LSAMP: variants seen among roughly 807,000 people sequenced by gnomAD.
The protein encoded by LSAMP is limbic system-associated membrane protein.
Under a neutral mutation model 38.6 loss-of-function variants are expected in LSAMP, and 7 were observed. That is an observed-to-expected ratio of 0.18 (90% CI 0.10 to 0.34). The LOEUF is 0.34. Ranked by LOEUF, LSAMP falls within the 10% of genes least tolerant of loss-of-function variation. The pLI is 1.00. For missense variants in LSAMP, 313 were observed against 420.0 expected (o/e 0.75, Z 2.23); for synonymous variants, 154 against 166.8 (o/e 0.92, Z 0.59).
At chr3:115,871,928 G>A (rs568018631) in intron 3 of LSAMP, among the ~76,000 whole-genome samples, 1 of 152,220 alleles carries the variant, frequency 6.6e-6, no homozygotes, top group South Asian at 2.1e-4. Context: ...GGCCTTGTGG[G>A]AAAGAAGAAA....
intron 1 of LSAMP, among the ~76,000 whole-genome samples, chr3:116,427,322 T>G (rs906516527): frequency 6.6e-6 from 1 of 151,254 alleles, no homozygotes; most frequent in Non-Finnish European, 1.5e-5. Flanking sequence ...GGGTTTCACC[T>G]TGTTAGCCAG....
At chr3:116,012,008 T>G (rs1054896432) in intron 3 of LSAMP, among the ~76,000 whole-genome samples, 1 of 152,156 alleles carries the variant, frequency 6.6e-6, no homozygotes, top group Non-Finnish European at 1.5e-5. Context: ...TAAACAACAT[T>G]GGAAAGTCCA....
chr3:116,277,686 T>C lies in LSAMP; in HGVS notation c.155+167191A>G, dbSNP rs1300217485. ...GCGCCCGGCCTGCTCTTCTTATTTT[T>C]ATACATCTGTTTAAAGAGTGTAACC... On this transcript the variant is annotated intron_variant, in intron 1 of 6. Coordinates refer to ENST00000490035, the MANE Select transcript of LSAMP (RefSeq NM_002338.5). Among the ~76,000 whole-genome samples, 5 of 152,158 alleles carry C rather than the reference T, an allele frequency of 3.3e-5. No individual in the cohort carries two copies. The East Asian group carries it at 7.7e-4, about 23-fold the overall frequency.
intron 3 of LSAMP, among the ~76,000 whole-genome samples, chr3:116,008,389 C>T (rs1940227384): frequency 6.6e-6 from 1 of 152,086 alleles, no homozygotes; most frequent in Non-Finnish European, 1.5e-5. Context: ...TGTAGAGAGA[C>T]ATACATTTTT....
At chr3:115,820,846 G>T (rs1446138572) in intron 6 of LSAMP, among the ~76,000 whole-genome samples, 2 of 152,128 alleles carry the variant, frequency 1.3e-5, no homozygotes, top group African/African-American at 4.8e-5. Context: ...TAGAACCACG[G>T]TGCCTGAACC....
chr3:115,825,243 C>G lies in LSAMP; in HGVS notation c.920-14829G>C, dbSNP rs112058864. ...TGCTCTGAGTCACCCTTGGACCTAC[C>G]TCTATTGCACTAACTACCGCAGTGC... On this transcript the variant is annotated intron_variant, in intron 6 of 6. Transcript: ENST00000490035. 9.9e-3 allele frequency among the ~76,000 whole-genome samples: 1,506 copies of G among 152,250 alleles called. 9 individuals carry two copies. Among genetic ancestry groups the G allele is most frequent in the Non-Finnish European group, 0.017 (1,181 of 68,018 alleles).
intron 3 of LSAMP, among the ~76,000 whole-genome samples, chr3:116,011,013 C>CTTTTTTTTTTTTTTTT (rs1169726977): frequency 2.9e-4 from 43 of 150,542 alleles, no homozygotes; most frequent in African/African-American, 9.4e-4. Flanking sequence ...ATAGTTTATG[C>CTTTTTTTTTTTTTTTT]TTTTTTTTGA....
intron 3 of LSAMP, among the ~76,000 whole-genome samples, chr3:115,999,424 C>G (rs1939923385): frequency 6.6e-6 from 1 of 152,186 alleles, no homozygotes; most frequent in Non-Finnish European, 1.5e-5. Context: ...AAAATAGCTA[C>G]TGTCCTTTCT....
intron 1 of LSAMP, among the ~76,000 whole-genome samples, chr3:116,247,852 T>C (rs2046623839): frequency 6.6e-6 from 1 of 152,168 alleles, no homozygotes; most frequent in Non-Finnish European, 1.5e-5. Context: ...CCATATTGAC[T>C]CATCTGAGAC....
chr3:116,408,866 C>T (rs373742725), intron 1 of LSAMP, among the ~76,000 whole-genome samples: 104 of 152,220 alleles, frequency 6.8e-4, no homozygotes, highest in African/African-American at 2.3e-3. Context: ...TTTAGTTGTA[C>T]ATATGGTCTT....
At chr3:115,823,101 G>C (rs189000692) in intron 6 of LSAMP, among the ~76,000 whole-genome samples, 4 of 152,174 alleles carry the variant, frequency 2.6e-5, no homozygotes, top group Non-Finnish European at 5.9e-5. Flanking sequence ...GTGAAAAAAT[G>C]CTTAAATTGT....
chr3:116,308,236 G>A (rs1001506690), intron 1 of LSAMP, among the ~76,000 whole-genome samples: 14 of 151,928 alleles, frequency 9.2e-5, no homozygotes, highest in African/African-American at 3.4e-4. Context: ...GCTCCCTCTA[G>A]ACAAAATTAA....
intron 2 of LSAMP, among the ~76,000 whole-genome samples, chr3:116,043,902 C>T (rs897718564): frequency 2.6e-5 from 4 of 152,160 alleles, no homozygotes; most frequent in Non-Finnish European, 5.9e-5. Context: ...GCCAAGATCG[C>T]GCCGCTGCAC....
chr3:116,304,336 G>A (rs1318964655), intron 1 of LSAMP, among the ~76,000 whole-genome samples: 2 of 152,164 alleles, frequency 1.3e-5, no homozygotes, highest in Non-Finnish European at 2.9e-5. Context: ...TGAAGGGGAA[G>A]TTCATGATCA....
intron 1 of LSAMP, among the ~76,000 whole-genome samples, chr3:116,339,249 G>C (rs2047961258): frequency 6.6e-6 from 1 of 151,656 alleles, no homozygotes; most frequent in African/African-American, 2.4e-5. Flanking sequence ...GGAACTTGGT[G>C]AAACTACATA....
At chr3:116,408,699 G>C (rs1256417434) in intron 1 of LSAMP, among the ~76,000 whole-genome samples, 1 of 152,054 alleles carries the variant, frequency 6.6e-6, no homozygotes, top group Non-Finnish European at 1.5e-5. Context: ...CTCAGAGCTA[G>C]TTAATGGCTG....
intron 1 of LSAMP, among the ~76,000 whole-genome samples, chr3:116,087,598 G>A (rs1342653464): frequency 6.6e-6 from 1 of 152,312 alleles, no homozygotes; most frequent in East Asian, 1.9e-4. Context: ...CTCTGGAGCA[G>A]GAGGGAATGA....
rs1338642109 is a variant in LSAMP, at chr3:116,086,331, G to A, written c.381C>T (p.Ile127=). The A allele has an allele frequency of 5.6e-6, 9 of 1,613,520 alleles. No individual in the cohort carries two copies. The highest frequency in any genetic ancestry group is 2.7e-5 in the African/African-American group (2 of 74,868). The part of the protein sequence containing the change: ...HEPKTSQVYL[I]VQVPPKISNI... Reference sequence around the variant, plus strand: ...ATCCCACACTTTCCTTACCTTGTACGATCAAGTAAACTTGGGAGGTCTTGG... The same window carrying A: ...ATCCCACACTTTCCTTACCTTGTACAATCAAGTAAACTTGGGAGGTCTTGG... Residue 127 remains isoleucine (I), a synonymous_variant, in exon 2 of 7, where the codon ATC becomes ATT. Coordinates refer to ENST00000490035, the MANE Select transcript of LSAMP (RefSeq NM_002338.5).
intron 3 of LSAMP, among the ~76,000 whole-genome samples, chr3:116,007,307 G>T (rs951156527): frequency 6.6e-6 from 1 of 151,896 alleles, no homozygotes; most frequent in Non-Finnish European, 1.5e-5. Flanking sequence ...TTGCCAAGGA[G>T]TTTGCTTCTC....
Sources: allele counts gnomAD v4.1 joint callset (sites outside exome capture counted in the v4.1 genomes callset), GRCh38; gene constraint gnomAD v4.1.1; transcripts MANE v1.5; gene names NCBI Gene and HGNC (gene_info 2026-07-23, HGNC 2026-07-21).